Variants in TRAK1 observed in about 807,000 individuals in gnomAD.
TRAK1 encodes the protein trafficking kinesin-binding protein 1.
A neutral mutation model predicts 92.1 loss-of-function variants in TRAK1; 33 were observed. The observed-to-expected ratio is 0.36, with a 90% CI of 0.27 to 0.48. The LOEUF is 0.48. Among genes scored for constraint, TRAK1 ranks in the 20% least tolerant of loss-of-function variants. The pLI, the probability that TRAK1 is intolerant of heterozygous loss-of-function variation, is 0.99. For synonymous variants in TRAK1, 521 were observed against 517.3 expected (o/e 1.01, Z -0.10); for missense variants, 1,123 against 1,257.9 (o/e 0.89, Z 1.62).
At chr3:42,211,860 G>A in intron 14 of TRAK1, 1 of 985,434 alleles carries the variant, frequency 1.0e-6, no homozygotes. Flanking sequence ...TTGACGAGGG[G>A]CATGAACATT....
chr3:42,053,799 G>T (rs913876884), intron 1 of TRAK1, among the ~76,000 whole-genome samples: 1 of 152,090 alleles, frequency 6.6e-6, no homozygotes, highest in Non-Finnish European at 1.5e-5. Flanking sequence ...CGTGCCGAGG[G>T]CTACCTTTGC....
chr3:42,031,628 G>T (rs912459923), intron 1 of TRAK1, among the ~76,000 whole-genome samples: 1 of 25,102 alleles, frequency 4.0e-5, no homozygotes, highest in Non-Finnish European at 7.6e-4. Flanking sequence ...GCGAGACCTT[G>T]TCTCAAAAAA....
intron 6 of TRAK1, 116 bp from the exon 7 acceptor site, chr3:42,191,442 G>T (rs1344547069): frequency 4.0e-6 from 3 of 755,684 alleles, no homozygotes; most frequent in Non-Finnish European, 6.3e-6. Flanking sequence ...ACAGGTGGGG[G>T]AATGCTAAGG....
At chr3:42,072,643 T>C (rs955415382) in intron 1 of TRAK1, among the ~76,000 whole-genome samples, 4 of 151,956 alleles carry the variant, frequency 2.6e-5, no homozygotes, top group Admixed American at 6.6e-5. Context: ...TTCTTTTCTC[T>C]CAGTTGCAGC....
chr3:42,100,442 T>G (rs541909694), intron 1 of TRAK1, among the ~76,000 whole-genome samples: 1 of 152,340 alleles, frequency 6.6e-6, no homozygotes, highest in South Asian at 2.1e-4. Context: ...TTCTCCCATC[T>G]CATCTTTTCT....
chr3:42,195,765 CAT>C (rs1279531333), intron 10 of TRAK1, among the ~76,000 whole-genome samples: 4 of 152,240 alleles, frequency 2.6e-5, no homozygotes, highest in Non-Finnish European at 5.9e-5. Flanking sequence ...AGACATATAA[CAT>C]AGTCAGCTTT....
intron 1 of TRAK1, among the ~76,000 whole-genome samples, chr3:42,031,406 A>G (rs1449385936): frequency 6.6e-6 from 1 of 151,718 alleles, no homozygotes; most frequent in African/African-American, 2.4e-5. Context: ...CTGTAATCCC[A>G]GCACTTTGGG....
At chr3:42,036,538 C>A (rs1702332438) in intron 1 of TRAK1, among the ~76,000 whole-genome samples, 1 of 152,160 alleles carries the variant, frequency 6.6e-6, no homozygotes, top group Non-Finnish European at 1.5e-5. Context: ...TCTGCTCTTT[C>A]CCCACACATT....
At chr3:42,105,154 A>G (rs1215000338) in intron 1 of TRAK1, among the ~76,000 whole-genome samples, 1 of 151,718 alleles carries the variant, frequency 6.6e-6, no homozygotes, top group Non-Finnish European at 1.5e-5. Context: ...GGGTTTCTCC[A>G]TGTTGGTCAG....
intron 1 of TRAK1, among the ~76,000 whole-genome samples, chr3:42,050,201 C>T (rs982863186): frequency 6.8e-6 from 1 of 146,196 alleles, no homozygotes; most frequent in African/African-American, 2.6e-5. Context: ...GTGTGAGAGT[C>T]GGGGGTCTTA....
chr3:42,036,705 G>A (rs1017459660), intron 1 of TRAK1, among the ~76,000 whole-genome samples: 2 of 152,172 alleles, frequency 1.3e-5, no homozygotes, highest in African/African-American at 2.4e-5. Flanking sequence ...GCTTGACTCT[G>A]TAACAGCCAA....
intron 1 of TRAK1, among the ~76,000 whole-genome samples, chr3:42,031,076 C>T (rs1702126658): frequency 6.8e-6 from 1 of 148,104 alleles, no homozygotes; most frequent in African/African-American, 2.5e-5. Context: ...CGCTCTGTCA[C>T]CCGGGCTGGA....
At chr3:42,092,714 T>TTATGTTATGA (rs1242032486) in intron 1 of TRAK1, among the ~76,000 whole-genome samples, 38 of 108,016 alleles carry the variant, frequency 3.5e-4, no homozygotes, top group African/African-American at 1.1e-3. Context: ...TTGTGTTGTG[T>TTATGTTATGA]TATGTTATGT....
chr3:42,223,143 C>T lies in TRAK1; in HGVS notation c.2268C>T (p.Pro756=). 2 of 1,614,126 alleles carry T rather than the reference C, an allele frequency of 1.2e-6. No individual in the cohort carries two copies. Among genetic ancestry groups the T allele is most frequent in the Non-Finnish European group, 1.7e-6 (2 of 1,180,044 alleles). ...GCATTTCTGCTGCCGTGTACGACCC[C>T]CAGAGCTGGGACAGGGCCGGCCGGG... ...ERGISAAVYD[P]QSWDRAGRGS... The change falls in exon 16 of 16, where the codon CCC becomes CCT. Residue 756 remains proline, a synonymous_variant. Transcript: ENST00000327628. The surrounding 1 kb of genome is among the most constrained non-coding windows in gnomAD (Gnocchi z 6.1).
intron 1 of TRAK1, among the ~76,000 whole-genome samples, chr3:42,041,521 T>G (rs1189399365): frequency 6.6e-6 from 1 of 152,172 alleles, no homozygotes; most frequent in Non-Finnish European, 1.5e-5. Context: ...GCGGGTTCCT[T>G]AGGACTTTCT....
At chr3:42,191,414 T>C (rs1705713769) in intron 6 of TRAK1, 144 bp from the exon 7 acceptor site, 2 of 619,834 alleles carry the variant, frequency 3.2e-6, no homozygotes, top group Non-Finnish European at 5.5e-6. Flanking sequence ...CTTTCTGTAT[T>C]TGAGGGTACG....
chr3:42,051,757 G>GAGAAAGA (rs1559723602), intron 1 of TRAK1: 1 of 152,232 alleles, frequency 6.6e-6, no homozygotes, highest in Non-Finnish European at 1.5e-5. Flanking sequence ...GAGCCATTAT[G>GAGAAAGA]AGAAAGATAG....
At chr3:42,095,333 G>T (rs773706334) in intron 1 of TRAK1, among the ~76,000 whole-genome samples, 1 of 152,144 alleles carries the variant, frequency 6.6e-6, no homozygotes, top group Non-Finnish European at 1.5e-5. Flanking sequence ...GATCCTTGAG[G>T]TTTAGACCCG....
intron 14 of TRAK1, chr3:42,211,133 G>T: frequency 1.0e-6 from 1 of 985,162 alleles, no homozygotes; most frequent in Non-Finnish European, 1.2e-6. Flanking sequence ...AAGTGAGGAC[G>T]TTTATCTTTG....
Sources: gnomAD v4.1 joint callset for allele counts (sites outside exome capture counted in the v4.1 genomes callset) on GRCh38, gnomAD v4.1.1 for gene constraint, Gnocchi (gnomAD v3.1) non-coding constraint, MANE v1.5 for transcripts, NCBI Gene and HGNC (gene_info 2026-07-23, HGNC 2026-07-21) for gene names.